FLYWCH1: variants seen among roughly 807,000 people sequenced by gnomAD.
The protein encoded by FLYWCH1 is FLYWCH-type zinc finger 1, also known as FLYWCH-type zinc finger-containing protein 1.
Under a neutral mutation model 66.4 loss-of-function variants are expected in FLYWCH1, and 75 were observed. The observed-to-expected ratio is 1.13, with a 90% CI of 0.94 to 1.37. The LOEUF is 1.37. FLYWCH1 is among the 40% of genes most tolerant of loss of function. The pLI, the probability that FLYWCH1 is intolerant of heterozygous loss-of-function variation, is 0.00. For missense variants in FLYWCH1, 1,334 were observed against 1,001.8 expected (o/e 1.33, Z -4.48); for synonymous variants, 595 against 429.9 (o/e 1.38, Z -4.75).
intron 2 of FLYWCH1, among the ~76,000 whole-genome samples, chr16:2,923,969 G>A (rs950486576): frequency 6.6e-5 from 10 of 152,102 alleles, no homozygotes; most frequent in African/African-American, 2.4e-4. Flanking sequence ...CTCAGGAGGT[G>A]GAGGTTGCAT....
At position 2,938,259 on chromosome 16, in the gene FLYWCH1, G is replaced by C; in HGVS notation, c.1853G>C (p.Arg618Thr). The C allele has an allele frequency of 6.2e-7, 1 of 1,613,196 alleles. No homozygotes were observed. The highest frequency in any genetic ancestry group is 8.5e-7 in the Non-Finnish European group (1 of 1,179,596). Residue 618 changes from arginine to threonine, a missense_variant, in exon 8 of 10, where the codon AGG becomes ACG. Transcript: ENST00000253928. ...CTGGTGCACGAGTCCTTCCTCTACA[G>C]GAAGGAGAAGGCGGCTGGGGAGAAG... ...RFLVHESFLYRKEKAAGEKVY... is the reference protein window; with the variant it reads ...RFLVHESFLYTKEKAAGEKVY...
intron 6 of FLYWCH1, 104 bp from the exon 7 acceptor site, chr16:2,937,017 T>C: frequency 1.7e-6 from 2 of 1,209,558 alleles, no homozygotes; most frequent in East Asian, 5.6e-5. Context: ...CACCTCACTG[T>C]GAGGAGGAGG....
At chr16:2,918,139 T>C (rs2070236527) in intron 2 of FLYWCH1, among the ~76,000 whole-genome samples, 2 of 138,858 alleles carry the variant, frequency 1.4e-5, no homozygotes, top group Admixed American at 1.6e-4. Flanking sequence ...GTGCCTGGCC[T>C]TGGATTCCTT....
chr16:2,933,127 T>G lies in FLYWCH1; in HGVS notation c.797-3T>G. The G allele has an allele frequency of 6.2e-7, 1 of 1,611,590 alleles. No homozygotes were observed. The highest frequency in any genetic ancestry group is 8.5e-7 in the Non-Finnish European group (1 of 1,178,660). ...GATGTGACCACTTGGGTCTCTCCTC[T>G]AGGACAGGCCCGGCCCCTCGAGTTC... On this transcript the variant is annotated splice_region_variant and splice_polypyrimidine_tract_variant and intron_variant, in intron 4 of 9. Coordinates refer to ENST00000253928, the MANE Select transcript of FLYWCH1 (RefSeq NM_001308068.2).
chr16:2,912,535 C>A (rs1396891300), intron 1 of FLYWCH1, among the ~76,000 whole-genome samples: 6 of 152,246 alleles, frequency 3.9e-5, no homozygotes, highest in Non-Finnish European at 4.4e-5. Flanking sequence ...GCTCCCGCTT[C>A]TGACCCTATA....
intron 9 of FLYWCH1, chr16:2,943,493 C>G (rs923998487): frequency 1.3e-5 from 2 of 151,196 alleles, no homozygotes; most frequent in African/African-American, 4.9e-5. Context: ...GCCTGCATAC[C>G]AGATCAGTAG....
chr16:2,938,600 A>G (rs1425079248), intron 8 of FLYWCH1, 144 bp downstream of exon 8: 5 of 570,184 alleles, frequency 8.8e-6, no homozygotes, highest in Non-Finnish European at 1.3e-5. Context: ...ATGTGAAACC[A>G]GTCTTTGTTT....
Position 2,930,626 on chromosome 16 carries a change from T to C in FLYWCH1, c.542T>C (p.Leu181Pro). The change falls in exon 4 of 10, where the codon CTG becomes CCG. Residue 181 changes from leucine (L) to proline (P), a missense_variant. Coordinates refer to ENST00000253928, the MANE Select transcript of FLYWCH1 (RefSeq NM_001308068.2). ...GHCHAPDEQG[L>P]EARRQREKLP... ...TGCCACGCGCCCGATGAGCAAGGCC[T>C]GGAGGCCCGGCGCCAGAGGGAGAAA... 2 of 1,549,948 alleles carry C rather than the reference T, an allele frequency of 1.3e-6. No homozygotes were observed. Among genetic ancestry groups the C allele is most frequent in the South Asian group, 1.2e-5 (1 of 84,160 alleles).
At chr16:2,945,868 G>C (rs1411187661) in intron 9 of FLYWCH1, among the ~76,000 whole-genome samples, 1 of 151,818 alleles carries the variant, frequency 6.6e-6, no homozygotes, top group African/African-American at 2.4e-5. Context: ...GTGGTGGCAG[G>C]TGCCTGTAGT....
intron 2 of FLYWCH1, among the ~76,000 whole-genome samples, chr16:2,917,107 G>A (rs554511227): frequency 6.6e-6 from 1 of 151,586 alleles, no homozygotes; most frequent in African/African-American, 2.4e-5. Context: ...AGTGAGCCGA[G>A]ATCATGCCAC....
intron 2 of FLYWCH1, among the ~76,000 whole-genome samples, chr16:2,919,919 T>C (rs2070310302): frequency 1.3e-5 from 2 of 152,080 alleles, no homozygotes; most frequent in South Asian, 2.1e-4. Context: ...TCCTGCCTTA[T>C]GTAATGGTCC....
chr16:2,912,658 G>C (rs1036525984), intron 1 of FLYWCH1, among the ~76,000 whole-genome samples: 1 of 152,176 alleles, frequency 6.6e-6, no homozygotes, highest in Non-Finnish European at 1.5e-5. Flanking sequence ...CAAGTTTAAA[G>C]GGAGACGCTT....
chr16:2,935,138 G>C (rs2070945164), intron 6 of FLYWCH1: 1 of 152,470 alleles, frequency 6.6e-6, no homozygotes, highest in Admixed American at 6.5e-5. Context: ...GGCCAGGCTG[G>C]TCTCAAACTC....
rs748565715 is a variant in FLYWCH1 at position 2,933,318 on chromosome 16, C to A, written c.985C>A (p.His329Asn). ...QGQRVTVMRG[H>N]CHQPDMEGLE... ...ACAGCGGGTGACTGTGATGCGTGGG[C>A]ACTGCCACCAGCCCGATATGGAGGG... is the stretch of plus-strand genomic sequence containing the variant. Residue 329 changes from histidine to asparagine, a missense_variant, in exon 5 of 10, where the codon CAC (histidine) becomes AAC (asparagine). Transcript: ENST00000253928. 5 of 1,610,346 alleles carry A rather than the reference C, an allele frequency of 3.1e-6. 2 individuals are homozygous for A. The South Asian group carries it at 5.5e-5, about 18-fold the overall frequency.
In FLYWCH1 at chr16:2,933,544, AGG is replaced by A. The variant is rs2070862619; in HGVS notation, c.1212_1213del (p.Glu404AspfsTer16). 1.9e-6 allele frequency: 3 copies of A among 1,607,886 alleles called. No individual in the cohort carries two copies. The highest frequency in any genetic ancestry group is 2.7e-5 in the African/African-American group (2 of 74,708). On this transcript the variant is annotated frameshift_variant, in exon 5 of 10. Transcript: ENST00000253928. LOFTEE classifies it high-confidence loss of function. Reference sequence around the variant, plus strand: ...GACCAGGAGCTGCCAACCCAGCCCGAGGCCCCAGACGAGCACCAGGACATGGA... The same window carrying A: ...GACCAGGAGCTGCCAACCCAGCCCGACCCCAGACGAGCACCAGGACATGGA...
chr16:2,933,603 G>T (rs889642115), intron 5 of FLYWCH1, 21 bp downstream of exon 5: 1 of 1,572,786 alleles, frequency 6.4e-7, no homozygotes, highest in African/African-American at 1.4e-5. Context: ...TTCCTTTGGG[G>T]CTCACCGGCC....
intron 9 of FLYWCH1, among the ~76,000 whole-genome samples, chr16:2,945,785 C>T (rs2071457052): frequency 1.3e-5 from 2 of 152,036 alleles, no homozygotes; most frequent in Admixed American, 6.6e-5. Flanking sequence ...ATCATGAGAT[C>T]AGGAGATCAA....
At position 2,930,637 on chromosome 16, in the gene FLYWCH1, C is replaced by T. The variant is rs760360497; in HGVS notation, c.553C>T (p.Arg185Cys). 5.3e-5 allele frequency: 82 copies of T among 1,548,170 alleles called. 1 individual carries two copies. The highest frequency in any genetic ancestry group is 2.0e-4 in the East Asian group (8 of 40,980). The change falls in exon 4 of 10, where the codon CGC becomes TGC. Residue 185 changes from arginine (R) to cysteine (C), a missense_variant. Transcript: ENST00000253928. ...APDEQGLEAR[R>C]QREKLPSLAL... ...CGATGAGCAAGGCCTGGAGGCCCGG[C>T]GCCAGAGGGAGAAACTGCCCAGCCT...
At chr16:2,927,126 G>A (rs2070595238) in intron 2 of FLYWCH1, among the ~76,000 whole-genome samples, 1 of 152,194 alleles carries the variant, frequency 6.6e-6, no homozygotes, top group Non-Finnish European at 1.5e-5. Flanking sequence ...AAATTGCACG[G>A]CATCGTACAA....
Sources: allele counts gnomAD v4.1 joint callset (sites outside exome capture counted in the v4.1 genomes callset), GRCh38; gene constraint gnomAD v4.1.1; transcripts MANE v1.5; gene names NCBI Gene and HGNC (gene_info 2026-07-23, HGNC 2026-07-21).